PDE4C: variants seen among roughly 807,000 people sequenced by gnomAD.
PDE4C encodes phosphodiesterase 4C.
A neutral mutation model predicts 63.9 loss-of-function variants in PDE4C; 50 were observed. The observed-to-expected ratio is 0.78, with a 90% CI of 0.62 to 0.99. The LOEUF is 0.99. PDE4C is among the 50% of genes least tolerant of loss of function. PDE4C has a pLI of 0.00. For missense variants in PDE4C, 777 were observed against 899.1 expected, an observed-to-expected ratio of 0.86 and a Z score of 1.74; for synonymous variants, 377 against 385.1, an observed-to-expected ratio of 0.98 and a Z score of 0.25.
Position 18,220,954 on chromosome 19 carries a change from T to C in PDE4C, c.450-31A>G. The C allele has an allele frequency of 6.3e-7, 1 of 1,584,394 alleles. No homozygotes were observed. Among genetic ancestry groups the C allele is most frequent in the Non-Finnish European group, 8.6e-7 (1 of 1,167,340 alleles). On this transcript the variant is annotated intron_variant, in intron 4 of 14. Coordinates refer to ENST00000262805, the Ensembl canonical transcript of PDE4C. The surrounding 1 kb of genome is among the most constrained non-coding windows in gnomAD (Gnocchi z 5.1). ...GTACAGCAGCCTCAGGCGTGGCTGC[T>C]CCGCCCATCTCGCCCCGCCCCCAAG...
chr19:18,225,473 G>A (rs1968686313), intron 1 of PDE4C: 1 of 152,268 alleles, frequency 6.6e-6, no homozygotes, highest in Non-Finnish European at 1.5e-5. Context: ...TCCAACCCCA[G>A]CTATGACCTT....
chr19:18,220,636 C>T lies in PDE4C; in HGVS notation c.500-121G>A. 3 of 920,538 alleles carry T rather than the reference C, an allele frequency of 3.3e-6. No homozygotes were observed. Among genetic ancestry groups the T allele is most frequent in the African/African-American group, 1.7e-5 (1 of 60,582 alleles). The allele number at this position is 920,538 out of a possible 1,614,324, so 57.0% of individuals were successfully genotyped here. A position where few individuals can be genotyped will look rare whatever the true frequency, so the allele number is the denominator to read the frequency against. ...TTCCCACGGGGGCCACCCAGGACTC[C>T]TGGACCCAAGTTCCAGATCTGTTCC... On this transcript the variant is annotated intron_variant, in intron 5 of 14. Transcript: ENST00000262805. This position sits in a 1 kb window ranked among gnomAD's most constrained non-coding sequence, Gnocchi z 5.1.
chr19:18,245,586 A>C (rs1969115246), intron 1 of PDE4C, among the ~76,000 whole-genome samples: 1 of 152,196 alleles, frequency 6.6e-6, no homozygotes, highest in Non-Finnish European at 1.5e-5. Context: ...TTCAGCTAAA[A>C]TGTCAACTTC....
chr19:18,245,904 C>T (rs899444201), intron 1 of PDE4C, among the ~76,000 whole-genome samples: 5 of 151,846 alleles, frequency 3.3e-5, no homozygotes, highest in Non-Finnish European at 5.9e-5. Context: ...AGTGCAGTGG[C>T]GCAATCTCAG....
chr19:18,242,916 C>T (rs943840599), intron 1 of PDE4C, among the ~76,000 whole-genome samples: 1 of 151,786 alleles, frequency 6.6e-6, no homozygotes, highest in Non-Finnish European at 1.5e-5. Flanking sequence ...ATGTGATCTA[C>T]TTGGGGATCA....
chr19:18,245,170 G>A (rs1192030170), intron 1 of PDE4C, among the ~76,000 whole-genome samples: 1 of 150,118 alleles, frequency 6.7e-6, no homozygotes, highest in Non-Finnish European at 1.5e-5. Flanking sequence ...TTGTTTGTTT[G>A]TTTGTTTGTT....
intron 1 of PDE4C, among the ~76,000 whole-genome samples, chr19:18,245,168 T>C (rs1969109395): frequency 6.6e-6 from 1 of 150,452 alleles, no homozygotes; most frequent in Admixed American, 6.7e-5. Context: ...GTTTGTTTGT[T>C]TGTTTGTTTG....
At chr19:18,231,129 G>A (rs1968839056), upstream of PDE4C, among the ~76,000 whole-genome samples, 1 of 152,240 alleles carries the variant, frequency 6.6e-6, no homozygotes, top group South Asian at 2.1e-4. Context: ...CAGCAGGTTG[G>A]CCTTGGGGCC....
chr19:18,253,185 T>C (rs1385364592), upstream of PDE4C, among the ~76,000 whole-genome samples: 1 of 152,074 alleles, frequency 6.6e-6, no homozygotes, highest in African/African-American at 2.4e-5. Flanking sequence ...TTCTTTTCTG[T>C]AAAATGGAGT....
rs2148027986 is a variant in PDE4C at position 18,221,176 on chromosome 19, G to T, written c.378C>A (p.Val126=). ...TCCGAACGGTCCGCAGACTGGCCAG[G>T]ACCTGTTGGGAGGAGGTGGTAGGCG... Residue 126 remains valine (V), a splice_region_variant and synonymous_variant, in exon 4 of 15, where the codon GTC becomes GTA. Transcript: ENST00000262805. 4 of 1,576,388 alleles carry T rather than the reference G, an allele frequency of 2.5e-6. No individual in the cohort carries two copies. The East Asian group carries it at 9.0e-5, about 35-fold the overall frequency.
chr19:18,208,469 G>T (rs1967782185), downstream of PDE4C: 1 of 111,220 alleles, frequency 9.0e-6, no homozygotes, highest in African/African-American at 3.5e-5. Flanking sequence ...CCACCCCTCC[G>T]ACCCACCCCC....
rs1967943217 is a variant in PDE4C, at chr19:18,211,589, C to T, written c.1695+170G>A. On this transcript the variant is annotated intron_variant, in intron 14 of 14. Transcript: ENST00000262805. ...AAACCCCAGAAGTGCATGTCCCTCT[C>T]CCTGAAGCCCAGAGAGAATGGATCC... 8.3e-6 allele frequency: 6 copies of T among 724,852 alleles called. No individual in the cohort carries two copies. In the South Asian group the frequency reaches 1.1e-4, roughly 13 times the overall value. 44.9% of individuals were successfully genotyped at this position (724,852 alleles called of 1,614,324 possible).
downstream of PDE4C, chr19:18,208,861 C>G (rs998100622): frequency 1.3e-5 from 2 of 152,016 alleles, no homozygotes; most frequent in Non-Finnish European, 2.9e-5. Context: ...TAGGGGGAGT[C>G]TGAGGCAGTT....
chr19:18,211,734 C>T, intron 14 of PDE4C, 25 bp downstream of exon 14: 1 of 1,612,330 alleles, frequency 6.2e-7, no homozygotes, highest in Non-Finnish European at 8.5e-7. Context: ...CAGTGTCTAC[C>T]GGTTCAGCCC....
At chr19:18,217,677 G>A (rs1239238434) in intron 11 of PDE4C, among the ~76,000 whole-genome samples, 1 of 152,076 alleles carries the variant, frequency 6.6e-6, no homozygotes, top group Non-Finnish European at 1.5e-5. Context: ...CAGACAGATC[G>A]CTTGAGGCCA....
chr19:18,213,301 A>C (rs754759353), intron 13 of PDE4C, 67 bp downstream of exon 13: 48 of 1,349,360 alleles, frequency 3.6e-5, no homozygotes, highest in Non-Finnish European at 4.8e-5. Context: ...AAATAAATAC[A>C]TAAATAAATA....
upstream of PDE4C, among the ~76,000 whole-genome samples, chr19:18,238,236 CTCTTTT>C (rs1968985953): frequency 6.7e-6 from 1 of 149,440 alleles, no homozygotes; most frequent in African/African-American, 2.5e-5. Flanking sequence ...CTCTCTCTCT[CTCTTTT>C]TTTTTTTTTT....
chr19:18,241,549 G>A (rs1366890297), intron 1 of PDE4C, among the ~76,000 whole-genome samples: 2 of 151,528 alleles, frequency 1.3e-5, no homozygotes, highest in African/African-American at 4.9e-5. Context: ...TTACAGGCGT[G>A]AGCCACCGCG....
At chr19:18,215,380 C>T (rs984289862) in intron 12 of PDE4C, among the ~76,000 whole-genome samples, 1 of 151,956 alleles carries the variant, frequency 6.6e-6, no homozygotes, top group African/African-American at 2.4e-5. Flanking sequence ...TCATAACGGC[C>T]GGAACTGTCT....
Sources: gnomAD v4.1 joint callset for allele counts (sites outside exome capture counted in the v4.1 genomes callset) on GRCh38, gnomAD v4.1.1 for gene constraint, Gnocchi (gnomAD v3.1) non-coding constraint, MANE v1.5 for transcripts, NCBI Gene and HGNC (gene_info 2026-07-23, HGNC 2026-07-21) for gene names.